The following SGMS2 variants were observed in gnomAD, a reference collection of about 807,000 sequenced individuals.
SGMS2 encodes sphingomyelin synthase 2.
A neutral mutation model predicts 43.8 loss-of-function variants in SGMS2; 21 were observed. The ratio of observed to expected loss-of-function variants is 0.48; its 90% CI spans 0.34 to 0.69. The LOEUF (loss-of-function observed/expected upper bound fraction) is 0.69. Ranked by LOEUF, SGMS2 falls within the 30% of genes least tolerant of loss-of-function variation. SGMS2 has a pLI of 0.01. For missense variants in SGMS2, 384 were observed against 443.2 expected, an observed-to-expected ratio of 0.87 and a Z score of 1.20; for synonymous variants, 167 against 160.6, an observed-to-expected ratio of 1.04 and a Z score of -0.30.
At chr4:107,838,720 T>C (rs1726336855) in intron 1 of SGMS2, among the ~76,000 whole-genome samples, 1 of 152,060 alleles carries the variant, frequency 6.6e-6, no homozygotes, top group African/African-American at 2.4e-5. Context: ...TTTTTTTTTT[T>C]AAGTATTTCC....
At chr4:107,872,924 C>T (rs545870391) in intron 2 of SGMS2, among the ~76,000 whole-genome samples, 1 of 152,040 alleles carries the variant, frequency 6.6e-6, no homozygotes, top group Non-Finnish European at 1.5e-5. Context: ...TCCAGAATCA[C>T]TTATCCACAA....
Position 107,911,668 on chromosome 4 carries a change from T to C in SGMS2, c.*1115T>C, listed in dbSNP as rs2126172147. 1 of 152,344 alleles carries C rather than the reference T, an allele frequency of 6.6e-6. No homozygotes were observed. Among genetic ancestry groups the C allele is most frequent in the African/African-American group, 2.4e-5 (1 of 41,582 alleles). 9.4% of individuals were successfully genotyped at this position (152,344 alleles called of 1,614,324 possible). ...CTAGTCCTAAGGACATATGCCGCAATTGAGTAATTTTACTTTTACCCTATG... is the reference window on the plus strand; with the variant it reads ...CTAGTCCTAAGGACATATGCCGCAACTGAGTAATTTTACTTTTACCCTATG... On this transcript the variant is annotated 3_prime_UTR_variant, in exon 7 of 7. Coordinates refer to ENST00000690982, the MANE Select transcript of SGMS2 (RefSeq NM_001375905.1).
chr4:107,831,748 C>T (rs958380253), intron 1 of SGMS2, among the ~76,000 whole-genome samples: 6 of 152,168 alleles, frequency 3.9e-5, no homozygotes, highest in Non-Finnish European at 8.8e-5. Context: ...TTTCCCTCCC[C>T]GTTTCCTTTG....
At chr4:107,847,079 T>C in intron 1 of SGMS2, among the ~76,000 whole-genome samples, 1 of 151,840 alleles carries the variant, frequency 6.6e-6, no homozygotes, top group Non-Finnish European at 1.5e-5. Flanking sequence ...TTCACTCTGA[T>C]GGTAGTTTCT....
chr4:107,907,962 T>A (rs1731726521), intron 5 of SGMS2: 1 of 152,320 alleles, frequency 6.6e-6, no homozygotes, highest in Non-Finnish European at 1.5e-5. Context: ...CATAAGTGAA[T>A]GGTTAGGAAC....
intron 2 of SGMS2, among the ~76,000 whole-genome samples, chr4:107,871,571 A>T (rs547322120): frequency 1.6e-4 from 24 of 152,232 alleles, no homozygotes; most frequent in African/African-American, 5.5e-4. Context: ...TGCACAGAAC[A>T]GGAGGACATA....
chr4:107,844,397 G>T (rs766050173), intron 1 of SGMS2, among the ~76,000 whole-genome samples: 2 of 151,228 alleles, frequency 1.3e-5, no homozygotes, highest in Non-Finnish European at 2.9e-5. Context: ...AAAGTGTCTA[G>T]GAGTGTTTAA....
chr4:107,910,763 T>C lies in SGMS2; in HGVS notation c.*210T>C. On this transcript the variant is annotated 3_prime_UTR_variant, in exon 7 of 7. Coordinates refer to ENST00000690982, the MANE Select transcript of SGMS2 (RefSeq NM_001375905.1). ...AGATACATTCTCTTGCAGCTCTTCA[T>C]TCATTGGTGACAAGCCCCCACCCCG... 1.9e-6 allele frequency: 1 copy of C among 533,458 alleles called. No homozygotes were observed. Among genetic ancestry groups the C allele is most frequent in the Non-Finnish European group, 3.3e-6 (1 of 304,850 alleles). 33.0% of individuals were successfully genotyped at this position (533,458 alleles called of 1,614,324 possible).
intron 4 of SGMS2, among the ~76,000 whole-genome samples, chr4:107,900,016 A>G (rs1730987798): frequency 6.6e-6 from 1 of 152,160 alleles, no homozygotes; most frequent in Non-Finnish European, 1.5e-5. Flanking sequence ...AGTAACCCAA[A>G]CAATGTCCCT....
At chr4:107,860,871 C>T (rs184110446) in intron 2 of SGMS2, among the ~76,000 whole-genome samples, 5 of 152,300 alleles carry the variant, frequency 3.3e-5, no homozygotes, top group Non-Finnish European at 5.9e-5. Flanking sequence ...AGAGTACCTG[C>T]TGTCATCAGC....
intron 3 of SGMS2, among the ~76,000 whole-genome samples, chr4:107,898,555 C>G (rs1260199651): frequency 6.6e-6 from 1 of 152,102 alleles, no homozygotes; most frequent in Non-Finnish European, 1.5e-5. Context: ...GAAGTTACAC[C>G]TAGCAAGTCT....
rs67228519 is a variant in SGMS2, at chr4:107,886,364, ATTTTTTT to A, written c.-244-8922_-244-8916del. ...ACAGGTGCACCACCACACCCAGCTAATTTTTTTTTTTTTTTTTTTTTTTTTTTTTTGG... is the reference window on the plus strand; with the variant it reads ...ACAGGTGCACCACCACACCCAGCTAATTTTTTTTTTTTTTTTTTTTTTTGG... On this transcript the variant is annotated intron_variant, in intron 2 of 6. Coordinates refer to ENST00000690982, the MANE Select transcript of SGMS2 (RefSeq NM_001375905.1). 3.1e-4 allele frequency among the ~76,000 whole-genome samples: 33 copies of A among 106,246 alleles called. 1 individual carries two copies. Among genetic ancestry groups the A allele is most frequent in the African/African-American group, 7.3e-4 (19 of 26,156 alleles). The allele number at this position is 106,246 out of a possible 152,430, so 69.7% of individuals were successfully genotyped here. A position where few individuals can be genotyped will look rare whatever the true frequency, so the allele number is the denominator to read the frequency against.
intron 2 of SGMS2, among the ~76,000 whole-genome samples, chr4:107,863,222 G>A (rs1727867683): frequency 6.6e-6 from 1 of 152,150 alleles, no homozygotes; most frequent in Non-Finnish European, 1.5e-5. Context: ...GGTTCCAGGA[G>A]CCTGGACTCA....
In SGMS2 at chr4:107,860,984, T is replaced by G. The variant is rs116068249; in HGVS notation, c.-245+2431T>G. Among the ~76,000 whole-genome samples the G allele has an allele frequency of 4.8e-3, 735 of 152,328 alleles. 5 individuals carry two copies. The highest frequency in any genetic ancestry group is 0.017 in the African/African-American group (708 of 41,576). On this transcript the variant is annotated intron_variant, in intron 2 of 6. Transcript: ENST00000690982. ...CCTGAACTTTCAATTATCTAAACAT[T>G]TATCTCCCTGTGTGATAATGATTTG...
chr4:107,842,382 CGAG>C (rs1419900744), intron 1 of SGMS2, among the ~76,000 whole-genome samples: 1 of 151,978 alleles, frequency 6.6e-6, no homozygotes, highest in African/African-American at 2.4e-5. Context: ...GAGAGAGGAG[CGAG>C]GTGCCACACA....
chr4:107,876,182 T>C (rs1728901100), intron 2 of SGMS2, among the ~76,000 whole-genome samples: 1 of 152,176 alleles, frequency 6.6e-6, no homozygotes, highest in South Asian at 2.1e-4. Context: ...CAGTAACCCA[T>C]TATATTTTAA....
At chr4:107,897,393 G>T (rs987335521) in intron 3 of SGMS2, among the ~76,000 whole-genome samples, 3 of 152,182 alleles carry the variant, frequency 2.0e-5, no homozygotes, top group African/African-American at 7.2e-5. Flanking sequence ...ATGTATTTAT[G>T]AACTTCAGTG....
chr4:107,866,971 T>C (rs572147231), intron 2 of SGMS2: 1 of 152,336 alleles, frequency 6.6e-6, no homozygotes, highest in Admixed American at 6.5e-5. Context: ...TCTTGTTTTG[T>C]GACTTCTGAT....
chr4:107,858,310 T>C (rs1038459944), intron 1 of SGMS2, among the ~76,000 whole-genome samples, 162 bp from the exon 2 acceptor site: 1 of 152,170 alleles, frequency 6.6e-6, no homozygotes, highest in Non-Finnish European at 1.5e-5. Context: ...GTACCTGTTA[T>C]AGCCAGTGTT....
Sources: allele counts gnomAD v4.1 joint callset (sites outside exome capture counted in the v4.1 genomes callset), GRCh38; gene constraint gnomAD v4.1.1; transcripts MANE v1.5; gene names NCBI Gene and HGNC (gene_info 2026-07-23, HGNC 2026-07-21).